Variants in ZSWIM5 observed in about 807,000 individuals in gnomAD.
The protein encoded by ZSWIM5 is zinc finger SWIM domain-containing protein 5.
In ZSWIM5, 55 loss-of-function variants were observed where a neutral mutation model predicts 119.6. The observed-to-expected ratio is 0.46, with a 90% CI of 0.37 to 0.58. The LOEUF is 0.58. Among genes scored for constraint, ZSWIM5 ranks in the 20% least tolerant of loss-of-function variants. ZSWIM5 has a pLI of 0.00. For synonymous variants in ZSWIM5, 537 were observed against 606.9 expected (o/e 0.88, Z 1.69); for missense variants, 1,193 against 1,512.8 (o/e 0.79, Z 3.51).
At chr1:45,167,585 G>C (rs910162611) in intron 1 of ZSWIM5, among the ~76,000 whole-genome samples, 1 of 151,934 alleles carries the variant, frequency 6.6e-6, no homozygotes, top group Non-Finnish European at 1.5e-5. Flanking sequence ...CTGACAAAGG[G>C]CTAATATCCA....
Position 45,020,512 on chromosome 1 carries a change from C to A in ZSWIM5, c.2613+113G>T. 1.6e-6 allele frequency: 2 copies of A among 1,287,004 alleles called. 1 individual carries two copies. The highest frequency in any genetic ancestry group is 2.9e-5 in the South Asian group (2 of 70,084). The allele number at this position is 1,287,004 out of a possible 1,614,324, so 79.7% of individuals were successfully genotyped here. ...CCTAGCCTAGAACTTGTGTTCTGGG[C>A]CCAAAGGAAGAGCCAGACTTGGCCT... On this transcript the variant is annotated intron_variant, in intron 12 of 13. Coordinates refer to ENST00000359600, the MANE Select transcript of ZSWIM5 (RefSeq NM_020883.2).
chr1:45,044,834 TAA>T (rs10645166), intron 5 of ZSWIM5, among the ~76,000 whole-genome samples: 3,140 of 6,166 alleles, frequency 0.51, 1,190 homozygotes, highest in South Asian at 0.71. Flanking sequence ...TATATATATA[TAA>T]ATATATATAT....
chr1:45,137,178 C>T (rs761443443), intron 1 of ZSWIM5, among the ~76,000 whole-genome samples: 2 of 152,130 alleles, frequency 1.3e-5, no homozygotes, highest in Non-Finnish European at 2.9e-5. Context: ...ATCCTCCTGC[C>T]TCAGCCTCCC....
intron 1 of ZSWIM5, among the ~76,000 whole-genome samples, chr1:45,089,822 A>G (rs866554015): frequency 2.1e-4 from 32 of 152,180 alleles, no homozygotes; most frequent in Admixed American, 3.3e-4. Context: ...AAAATAAAAA[A>G]AAAGTAGCCG....
chr1:45,105,022 G>A lies in ZSWIM5; in HGVS notation c.596-16785C>T, dbSNP rs187203983. ...GTATTTTAAAAGACTGAGATCTTCG[G>A]CTCGCCGCAACCTCCCTGCCTTGGG... is the stretch of plus-strand genomic sequence containing the variant. On this transcript the variant is annotated intron_variant, in intron 1 of 13. Transcript: ENST00000359600. Among the ~76,000 whole-genome samples, 14 of 152,334 alleles carry A rather than the reference G, an allele frequency of 9.2e-5. No homozygotes were observed. The East Asian group carries it at 2.7e-3, about 29-fold the overall frequency.
intron 1 of ZSWIM5, among the ~76,000 whole-genome samples, chr1:45,145,999 T>C (rs1363636616): frequency 6.6e-6 from 1 of 152,044 alleles, no homozygotes; most frequent in Admixed American, 6.6e-5. Context: ...GATATTCAAG[T>C]AAGAAAAGGA....
At chr1:45,156,341 C>T (rs1645826930) in intron 1 of ZSWIM5, among the ~76,000 whole-genome samples, 1 of 151,966 alleles carries the variant, frequency 6.6e-6, no homozygotes, top group East Asian at 1.9e-4. Context: ...TGAGTACTAT[C>T]CTCACTATAT....
intron 2 of ZSWIM5, among the ~76,000 whole-genome samples, chr1:45,069,513 TTCTGAAACCCC>T (rs1178088662): frequency 6.6e-6 from 1 of 152,218 alleles, no homozygotes; most frequent in Non-Finnish European, 1.5e-5. Flanking sequence ...TGTTTTCTAT[TTCTGAAACCCC>T]TATTAACCCC....
At chr1:45,201,483 A>G (rs533435824) in intron 1 of ZSWIM5, among the ~76,000 whole-genome samples, 2 of 152,306 alleles carry the variant, frequency 1.3e-5, no homozygotes, top group Admixed American at 1.3e-4. Context: ...ACATGTATAT[A>G]TTCATATAAC....
chr1:45,185,396 A>C (rs928213994), intron 1 of ZSWIM5, among the ~76,000 whole-genome samples: 32 of 151,862 alleles, frequency 2.1e-4, no homozygotes, highest in African/African-American at 7.5e-4. Context: ...CAAAATTGAC[A>C]AATGGGATCT....
At chr1:45,101,535 T>C (rs542995952) in intron 1 of ZSWIM5, among the ~76,000 whole-genome samples, 13 of 152,202 alleles carry the variant, frequency 8.5e-5, no homozygotes, top group Non-Finnish European at 1.0e-4. Flanking sequence ...GAGATTCCAC[T>C]ACTGAGTATA....
chr1:45,197,385 C>T (rs958338226), intron 1 of ZSWIM5, among the ~76,000 whole-genome samples: 5 of 152,178 alleles, frequency 3.3e-5, no homozygotes, highest in African/African-American at 1.2e-4. Context: ...GAATTTCATA[C>T]ATATGAAATT....
At chr1:45,028,846 C>A (rs1644935382) in intron 11 of ZSWIM5, among the ~76,000 whole-genome samples, 1 of 152,000 alleles carries the variant, frequency 6.6e-6, no homozygotes, top group Non-Finnish European at 1.5e-5. Context: ...ATTTTGGGAG[C>A]CCAAGGTGGG....
chr1:45,135,041 C>A (rs927003223), intron 1 of ZSWIM5, among the ~76,000 whole-genome samples: 3 of 151,772 alleles, frequency 2.0e-5, no homozygotes, highest in African/African-American at 7.3e-5. Flanking sequence ...CTACAATGAA[C>A]ATGGGATTAT....
At chr1:45,130,624 C>T (rs563829223) in intron 1 of ZSWIM5, among the ~76,000 whole-genome samples, 1 of 152,244 alleles carries the variant, frequency 6.6e-6, no homozygotes, top group East Asian at 1.9e-4. Flanking sequence ...AAAACCGAAT[C>T]ACTTGTAAGT....
chr1:45,109,589 C>CA (rs1397803734), intron 1 of ZSWIM5, among the ~76,000 whole-genome samples: 3 of 151,838 alleles, frequency 2.0e-5, no homozygotes, highest in Non-Finnish European at 4.4e-5. Context: ...ACCAAAAATA[C>CA]AAAAAATTTG....
intron 1 of ZSWIM5, among the ~76,000 whole-genome samples, chr1:45,195,929 G>A (rs368205984): frequency 2.0e-5 from 3 of 148,314 alleles, no homozygotes; most frequent in African/African-American, 5.0e-5. Flanking sequence ...GAGCAGTGAC[G>A]CCATCATGGC....
chr1:45,091,982 G>A (rs568147255), intron 1 of ZSWIM5, among the ~76,000 whole-genome samples: 1 of 151,914 alleles, frequency 6.6e-6, no homozygotes, highest in Non-Finnish European at 1.5e-5. Flanking sequence ...AAAAACATTG[G>A]ACCTCAGCTT....
At chr1:45,176,620 T>G (rs1198479823) in intron 1 of ZSWIM5, among the ~76,000 whole-genome samples, 1 of 152,064 alleles carries the variant, frequency 6.6e-6, no homozygotes, top group Non-Finnish European at 1.5e-5. Flanking sequence ...CCTGTTATCC[T>G]TAATTGATTT....
Sources: gnomAD v4.1 joint callset for allele counts (sites outside exome capture counted in the v4.1 genomes callset) on GRCh38, gnomAD v4.1.1 for gene constraint, MANE v1.5 for transcripts, NCBI Gene and HGNC (gene_info 2026-07-23, HGNC 2026-07-21) for gene names.